The following TLE4 variants were observed in gnomAD, a reference collection of about 807,000 sequenced individuals.
The protein encoded by TLE4 is transducin-like enhancer protein 4.
TLE4 carries 8 observed loss-of-function variants against 92.8 expected under a neutral mutation model. The ratio of observed to expected loss-of-function variants is 0.09; its 90% CI spans 0.05 to 0.16. The LOEUF (loss-of-function observed/expected upper bound fraction) is 0.16, where lower values mean the gene tolerates loss of function less well. TLE4 is among the 10% of genes least tolerant of loss of function. The pLI, the probability that TLE4 is intolerant of heterozygous loss-of-function variation, is 1.00. For missense variants in TLE4, 675 were observed against 997.6 expected (o/e 0.68, Z 4.36); for synonymous variants, 371 against 374.1 (o/e 0.99, Z 0.10).
chr9:79,651,815 G>A (rs930870638), intron 6 of TLE4, among the ~76,000 whole-genome samples: 1 of 152,126 alleles, frequency 6.6e-6, no homozygotes, highest in Non-Finnish European at 1.5e-5. Flanking sequence ...CCTGCATGCT[G>A]TGCAGTGGTT....
At chr9:79,585,975 G>A (rs1309229162) in intron 4 of TLE4, among the ~76,000 whole-genome samples, 2 of 152,142 alleles carry the variant, frequency 1.3e-5, no homozygotes, top group East Asian at 3.8e-4. Flanking sequence ...TGACACAGAA[G>A]TAGAGCAATT....
At chr9:79,582,678 T>C (rs977423842) in intron 4 of TLE4, among the ~76,000 whole-genome samples, 2 of 142,850 alleles carry the variant, frequency 1.4e-5, no homozygotes, top group African/African-American at 5.4e-5. Context: ...GATTCGATGG[T>C]TTGGTTTACC....
chr9:79,708,248 T>C lies in TLE4; in HGVS notation c.1067T>C (p.Leu356Ser). Residue 356 changes from leucine to serine, a missense_variant and splice_region_variant, in exon 12 of 20, where the codon TTG becomes TCG. Leu to Ser is a moderately radical substitution (Grantham distance 145). Transcript: ENST00000376552. ...VPGKPPGVDP[L>S]ASSLRTPMAV... is the part of the protein sequence containing the mutation. ...GGAAAACCACCAGGAGTTGACCCTT[T>C]GGGTTAGTAAGAAAAAAGTTTTTTC... The C allele has an allele frequency of 4.4e-6, 7 of 1,606,552 alleles. No homozygotes were observed. Among genetic ancestry groups the C allele is most frequent in the Non-Finnish European group, 4.2e-6 (5 of 1,178,206 alleles).
intron 14 of TLE4, among the ~76,000 whole-genome samples, chr9:79,710,230 C>T (rs1049835615): frequency 6.6e-6 from 1 of 152,256 alleles, no homozygotes; most frequent in African/African-American, 2.4e-5. Flanking sequence ...CTAGCCTTCT[C>T]TGAACGGATC....
At chr9:79,720,754 C>T (rs139522416) in intron 16 of TLE4, among the ~76,000 whole-genome samples, 12 of 152,170 alleles carry the variant, frequency 7.9e-5, no homozygotes, top group African/African-American at 2.9e-4. Flanking sequence ...GTCTTGAGTG[C>T]CATACACATC....
intron 4 of TLE4, among the ~76,000 whole-genome samples, chr9:79,604,685 G>C (rs1222429170): frequency 6.6e-6 from 1 of 152,138 alleles, no homozygotes; most frequent in Non-Finnish European, 1.5e-5. Flanking sequence ...AAAAAATAGA[G>C]CATGGCTCTC....
chr9:79,631,636 G>GTGTA (rs2054256537), intron 6 of TLE4, among the ~76,000 whole-genome samples: 1 of 150,438 alleles, frequency 6.6e-6, no homozygotes, highest in Non-Finnish European at 1.5e-5. Flanking sequence ...GTGTGTGTGT[G>GTGTA]TGTGTGTGTG....
At chr9:79,710,323 TC>T (rs1429830646) in intron 14 of TLE4, among the ~76,000 whole-genome samples, 1 of 152,216 alleles carries the variant, frequency 6.6e-6, no homozygotes, top group Non-Finnish European at 1.5e-5. Context: ...GGCTTCATCT[TC>T]CCAGAAACAA....
intron 6 of TLE4, among the ~76,000 whole-genome samples, chr9:79,631,148 T>A (rs958889220): frequency 6.6e-6 from 1 of 152,214 alleles, no homozygotes; most frequent in Admixed American, 6.5e-5. Context: ...TCTGCAAAAT[T>A]ATTTGCCATC....
intron 8 of TLE4, among the ~76,000 whole-genome samples, chr9:79,679,726 C>G (rs1180817327): frequency 6.6e-6 from 1 of 152,120 alleles, no homozygotes; most frequent in African/African-American, 2.4e-5. Flanking sequence ...CCTAGGTTTT[C>G]TTCTAGGGTT....
chr9:79,622,307 C>T (rs2051220758), intron 5 of TLE4, among the ~76,000 whole-genome samples: 1 of 152,142 alleles, frequency 6.6e-6, no homozygotes, highest in African/African-American at 2.4e-5. Flanking sequence ...AAATTCTACT[C>T]TGCTTGTCTG....
chr9:79,691,693 C>T (rs952472456), intron 8 of TLE4, among the ~76,000 whole-genome samples: 7 of 152,132 alleles, frequency 4.6e-5, no homozygotes, highest in African/African-American at 1.7e-4. Flanking sequence ...GTTATTCCCT[C>T]TTTCTAGAAC....
intron 5 of TLE4, among the ~76,000 whole-genome samples, chr9:79,618,862 T>A (rs1484777402): frequency 6.6e-6 from 1 of 152,212 alleles, no homozygotes; most frequent in Non-Finnish European, 1.5e-5. Flanking sequence ...GAAGACGTTA[T>A]TCTTTTTACA....
intron 8 of TLE4, among the ~76,000 whole-genome samples, chr9:79,670,202 AAAG>A (rs1300848570): frequency 6.6e-6 from 1 of 152,098 alleles, no homozygotes; most frequent in Non-Finnish European, 1.5e-5. Flanking sequence ...AAGAAAAAAA[AAAG>A]AAAGAAAAAA....
intron 6 of TLE4, among the ~76,000 whole-genome samples, chr9:79,634,567 G>A (rs371936047): frequency 2.0e-5 from 3 of 150,976 alleles, no homozygotes; most frequent in East Asian, 2.0e-4. Context: ...TTTGACAACC[G>A]AATACAGTTG....
chr9:79,674,967 C>T (rs1024214971), intron 8 of TLE4, among the ~76,000 whole-genome samples: 8 of 152,136 alleles, frequency 5.3e-5, no homozygotes, highest in African/African-American at 1.9e-4. Flanking sequence ...CTTGCAGTAA[C>T]AGAATCCCCC....
At chr9:79,596,825 G>C (rs2044150549) in intron 4 of TLE4, among the ~76,000 whole-genome samples, 1 of 152,152 alleles carries the variant, frequency 6.6e-6, no homozygotes, top group South Asian at 2.1e-4. Flanking sequence ...TTATAGAAAT[G>C]GAGTCCAGAA....
In TLE4 at chr9:79,623,118, A is replaced by C. The variant is rs879188969; in HGVS notation, c.316-4256A>C. On this transcript the variant is annotated intron_variant, in intron 5 of 19. Coordinates refer to ENST00000376552, the MANE Select transcript of TLE4 (RefSeq NM_007005.6). ...GAATATACTGAACCTACAGGTACCC[A>C]TACTAAACATCGGCAGTAATCAGCA... is the stretch of plus-strand genomic sequence containing the variant. Among the ~76,000 whole-genome samples, 3 of 152,236 alleles carry C rather than the reference A, an allele frequency of 2.0e-5. No homozygotes were observed. In the East Asian group the frequency reaches 5.8e-4, roughly 29 times the overall value.
chr9:79,684,917 A>G (rs1025517125), intron 8 of TLE4, among the ~76,000 whole-genome samples: 20 of 152,226 alleles, frequency 1.3e-4, no homozygotes, highest in African/African-American at 4.6e-4. Flanking sequence ...TATTGCAGTC[A>G]GTCTAACACA....
Sources: gnomAD v4.1 joint callset for allele counts (sites outside exome capture counted in the v4.1 genomes callset) on GRCh38, gnomAD v4.1.1 for gene constraint, MANE v1.5 for transcripts, NCBI Gene and HGNC (gene_info 2026-07-23, HGNC 2026-07-21) for gene names.